Variants in CHD1L observed in about 807,000 individuals in gnomAD.
CHD1L encodes chromodomain helicase DNA binding protein 1 like, also known as ATP-dependent chromatin remodeler CHD1L.
A neutral mutation model predicts 115.9 loss-of-function variants in CHD1L; 118 were observed. The ratio of observed to expected loss-of-function variants is 1.02; its 90% CI spans 0.88 to 1.19. CHD1L has a LOEUF of 1.19. Ranked by LOEUF, CHD1L falls within the 50% of genes most tolerant of loss-of-function variation. The pLI is 0.00. For missense variants in CHD1L, 1,179 were observed against 1,065.3 expected (o/e 1.11, Z -1.49); for synonymous variants, 411 against 387.1 (o/e 1.06, Z -0.72).
the CHD1L span, among the ~76,000 whole-genome samples, chr1:147,180,726 A>T: frequency 3.9e-5 from 6 of 152,352 alleles, no homozygotes; most frequent in East Asian, 1.2e-3. Flanking sequence ...TGGTACTAGC[A>T]GATAATAGAG....
chr1:147,279,983 T>C (rs1680171732), intron 14 of CHD1L, 43 bp from the exon 15 acceptor site: 2 of 1,608,016 alleles, frequency 1.2e-6, no homozygotes, highest in Admixed American at 3.3e-5. Flanking sequence ...TAATGTTTCT[T>C]TTCATGAGAA....
chr1:147,183,154 C>T, the CHD1L span, among the ~76,000 whole-genome samples: 9 of 152,168 alleles, frequency 5.9e-5, no homozygotes, highest in South Asian at 1.9e-3. Context: ...GCCGAGATGG[C>T]GTCACTGCAC....
chr1:147,269,337 T>C (rs1675214351), intron 10 of CHD1L, among the ~76,000 whole-genome samples: 1 of 152,084 alleles, frequency 6.6e-6, no homozygotes, highest in African/African-American at 2.4e-5. Context: ...AAGGGGAACT[T>C]GAAGGACTCT....
At chr1:147,255,681 C>T in intron 3 of CHD1L, 132 bp from the exon 4 acceptor site, 1 of 560,342 alleles carries the variant, frequency 1.8e-6, no homozygotes, top group Non-Finnish European at 3.1e-6. Flanking sequence ...TTCAGAGCCC[C>T]AAGACTCTGG....
the CHD1L span, among the ~76,000 whole-genome samples, chr1:147,219,259 G>T: frequency 6.6e-6 from 1 of 151,686 alleles, no homozygotes; most frequent in African/African-American, 2.4e-5. Flanking sequence ...TCTATCTATG[G>T]GTATATAATT....
At chr1:147,266,222 C>T (rs1194398719) in intron 8 of CHD1L, 135 bp downstream of exon 8, 21 of 830,504 alleles carry the variant, frequency 2.5e-5, no homozygotes, top group Middle Eastern at 3.7e-4. Flanking sequence ...TAATTCTGGT[C>T]GGCTACAGTG....
At position 147,254,920 on chromosome 1, in the gene CHD1L, A is replaced by T. The variant is rs781783477; in HGVS notation, c.291A>T (p.Pro97=). Residue 97 remains proline (P), a synonymous_variant, in exon 3 of 23, where the codon CCA becomes CCT. Coordinates refer to ENST00000369258, the MANE Select transcript of CHD1L (RefSeq NM_004284.6). ...YLAGRLNDEG[P]FLILCPLSVL... is the part of the protein sequence containing the mutation. ...CAGGAAGATTAAATGATGAAGGGCC[A>T]TTTCTGATTCTTTGTCCCTTGTCTG... is the stretch of plus-strand genomic sequence containing the variant. The T allele has an allele frequency of 2.5e-6, 4 of 1,611,972 alleles. No individual in the cohort carries two copies. The highest frequency in any genetic ancestry group is 3.4e-5 in the Admixed American group (2 of 59,442).
At chr1:147,250,355 C>G (rs1668020434) in intron 1 of CHD1L, among the ~76,000 whole-genome samples, 1 of 152,132 alleles carries the variant, frequency 6.6e-6, no homozygotes, top group Non-Finnish European at 1.5e-5. Flanking sequence ...TCCTGTTTGA[C>G]TGTCTTTGTC....
At chr1:147,195,616 C>G in the CHD1L span, among the ~76,000 whole-genome samples, 107 of 152,212 alleles carry the variant, frequency 7.0e-4, no homozygotes, top group Non-Finnish European at 2.4e-4. Flanking sequence ...ACACCAAGGA[C>G]AGGGCTAGAC....
the CHD1L span, among the ~76,000 whole-genome samples, chr1:147,232,711 G>C: frequency 1.2e-4 from 19 of 152,286 alleles, no homozygotes; most frequent in East Asian, 3.5e-3. Flanking sequence ...GTGTTGGCCG[G>C]GCTGGTCTCC....
the CHD1L span, among the ~76,000 whole-genome samples, chr1:147,184,965 G>A: frequency 6.6e-6 from 1 of 150,758 alleles, no homozygotes; most frequent in African/African-American, 2.4e-5. This position sits in a 1 kb window ranked among gnomAD's most constrained non-coding sequence, Gnocchi z 4.4. Context: ...CAATTTTCTG[G>A]CACTACAAGA....
chr1:147,204,626 T>A, the CHD1L span: 48,554 of 1,589,766 alleles, frequency 0.031, 1,124 homozygotes, highest in South Asian at 0.089. Context: ...ACCAGAACAA[T>A]GTTTGTGCCA....
At chr1:147,252,122 T>C (rs782603606) in intron 1 of CHD1L, among the ~76,000 whole-genome samples, 1 of 152,216 alleles carries the variant, frequency 6.6e-6, no homozygotes, top group Non-Finnish European at 1.5e-5. Context: ...TAAATACCCT[T>C]TGTGAAACAT....
chr1:147,288,322 C>CATAAAAAAAAAAAA lies in CHD1L; in HGVS notation c.2320+590_2320+591insTAAAAAAAAAAAAA, dbSNP rs1452486110. On this transcript the variant is annotated intron_variant, in intron 19 of 22. Transcript: ENST00000369258. ...CCTGAGTGAGAGTGAGACCCTGTTT[C>CATAAAAAAAAAAAA]AATAAAAAAAAAAAAAAAAAAAAAG... Among the ~76,000 whole-genome samples, 100 of 87,860 alleles carry CATAAAAAAAAAAAA rather than the reference C, an allele frequency of 1.1e-3. 5 individuals carry two copies. The highest frequency in any genetic ancestry group is 2.7e-3 in the East Asian group (7 of 2,602). The allele number at this position is 87,860 out of a possible 152,430, so 57.6% of individuals were successfully genotyped here. A position where few individuals can be genotyped will look rare whatever the true frequency, so the allele number is the denominator to read the frequency against.
chr1:147,235,676 C>T, the CHD1L span, among the ~76,000 whole-genome samples: 2 of 152,022 alleles, frequency 1.3e-5, no homozygotes, highest in African/African-American at 4.8e-5. Context: ...AAAAAAATGG[C>T]TTTGGATTCT....
intron 20 of CHD1L, 63 bp downstream of exon 20, chr1:147,291,615 T>TC: frequency 7.4e-7 from 1 of 1,350,810 alleles, no homozygotes; most frequent in Admixed American, 1.7e-5. Context: ...TCTTGAAGTG[T>TC]CCCCTGCCCC....
chr1:147,178,943 A>C, the CHD1L span: 2 of 1,608,630 alleles, frequency 1.2e-6, no homozygotes, highest in Admixed American at 3.3e-5. Flanking sequence ...AAAGGTTCCA[A>C]CTACTGGAGA....
At chr1:147,208,795 G>A in the CHD1L span, 2 of 1,426,096 alleles carry the variant, frequency 1.4e-6, no homozygotes, top group Middle Eastern at 1.8e-4. Context: ...CCAGTGTGAA[G>A]AGTCCTTATT....
chr1:147,226,475 A>G, the CHD1L span, among the ~76,000 whole-genome samples: 1 of 152,082 alleles, frequency 6.6e-6, no homozygotes, highest in African/African-American at 2.4e-5. Flanking sequence ...TTATATTAGT[A>G]ACCAAAAATA....
Sources: gnomAD v4.1 joint callset for allele counts (sites outside exome capture counted in the v4.1 genomes callset) on GRCh38, gnomAD v4.1.1 for gene constraint, Gnocchi (gnomAD v3.1) non-coding constraint, MANE v1.5 for transcripts, NCBI Gene and HGNC (gene_info 2026-07-23, HGNC 2026-07-21) for gene names.